CHST11: variants seen among roughly 807,000 people sequenced by gnomAD.
CHST11 encodes C4S-1.
In CHST11, 9 loss-of-function variants were observed where a neutral mutation model predicts 30.4. The ratio of observed to expected loss-of-function variants is 0.30; its 90% CI spans 0.18 to 0.52. The LOEUF (loss-of-function observed/expected upper bound fraction) is 0.52, where lower values mean the gene tolerates loss of function less well. Ranked by LOEUF, CHST11 falls within the 20% of genes least tolerant of loss-of-function variation. The probability of loss-of-function intolerance (pLI) is 0.97; values close to 1 mark genes in which losing one functional copy is unlikely to be tolerated. For missense variants in CHST11, 348 were observed against 460.6 expected, an observed-to-expected ratio of 0.76 and a Z score of 2.24; for synonymous variants, 152 against 187.8, an observed-to-expected ratio of 0.81 and a Z score of 1.56.
chr12:104,635,713 T>A (rs1193443066), intron 2 of CHST11, among the ~76,000 whole-genome samples: 1 of 152,208 alleles, frequency 6.6e-6, no homozygotes, highest in African/African-American at 2.4e-5. Flanking sequence ...AGTTCATCAG[T>A]GCTGGTCTCA....
At chr12:104,680,362 T>C (rs1176563337) in intron 2 of CHST11, among the ~76,000 whole-genome samples, 1 of 152,174 alleles carries the variant, frequency 6.6e-6, no homozygotes, top group Non-Finnish European at 1.5e-5. Flanking sequence ...CCACAGCAGA[T>C]GCAAGCCTGG....
rs373500803 is a variant in CHST11, at chr12:104,742,925, A to G, written c.205-14024A>G. Among the ~76,000 whole-genome samples the G allele has an allele frequency of 2.0e-3, 312 of 152,342 alleles. 1 individual carries two copies. Among genetic ancestry groups the G allele is most frequent in the African/African-American group, 6.9e-3 (288 of 41,590 alleles). The stretch of plus-strand genomic sequence containing the variant: ...CTCTTCTCTCTTGGCCTCCAGCCCC[A>G]GAGCTGATGCTAAGCTCCTGTGTGG... On this transcript the variant is annotated intron_variant, in intron 2 of 2. Transcript: ENST00000303694.
chr12:104,664,050 A>G lies in CHST11; in HGVS notation c.204+62059A>G, dbSNP rs76568826. Reference sequence around the variant, plus strand: ...GGGACCTCCATCTTATTTCTTCACTATGGAGTTGATTACTTCCAGCGAGCT... The same window carrying G: ...GGGACCTCCATCTTATTTCTTCACTGTGGAGTTGATTACTTCCAGCGAGCT... On this transcript the variant is annotated intron_variant, in intron 2 of 2. Transcript: ENST00000303694. Among the ~76,000 whole-genome samples the G allele has an allele frequency of 9.1e-3, 1,391 of 152,242 alleles. 20 individuals are homozygous for G. Among genetic ancestry groups the G allele is most frequent in the African/African-American group, 0.031 (1,295 of 41,530 alleles).
intron 2 of CHST11, among the ~76,000 whole-genome samples, chr12:104,659,778 C>T (rs958088914): frequency 6.8e-6 from 1 of 148,062 alleles, no homozygotes; most frequent in Non-Finnish European, 1.5e-5. Context: ...CCAGCCTGGG[C>T]AACATAGTGA....
intron 1 of CHST11, among the ~76,000 whole-genome samples, chr12:104,513,123 T>TGGTGGGGGGGGGGGGGGGGG (rs1555229062): frequency 2.9e-4 from 1 of 3,390 alleles, no homozygotes; most frequent in Non-Finnish European, 7.0e-4. Context: ...ATGTCATGAC[T>TGGTGGGGGGGGGGGGGGGGG]GGGGGGGGGG....
At chr12:104,709,514 A>T (rs977273275) in intron 2 of CHST11, among the ~76,000 whole-genome samples, 6 of 152,128 alleles carry the variant, frequency 3.9e-5, no homozygotes, top group African/African-American at 1.4e-4. Flanking sequence ...AGCTGGAGTG[A>T]GCTTGTGCAA....
intron 1 of CHST11, among the ~76,000 whole-genome samples, chr12:104,484,936 C>T (rs550941590): frequency 2.6e-5 from 4 of 151,968 alleles, no homozygotes; most frequent in Non-Finnish European, 4.4e-5. Context: ...AATCATGGCC[C>T]GAATGTCAGG....
intron 2 of CHST11, among the ~76,000 whole-genome samples, chr12:104,617,239 G>A (rs1297236201): frequency 6.6e-6 from 1 of 152,118 alleles, no homozygotes; most frequent in Non-Finnish European, 1.5e-5. Context: ...GGGATTTGTG[G>A]GGCTAGAGGA....
chr12:104,749,387 T>C (rs975117922), intron 2 of CHST11, among the ~76,000 whole-genome samples: 9 of 152,264 alleles, frequency 5.9e-5, no homozygotes, highest in Non-Finnish European at 4.4e-5. Flanking sequence ...CCAGCCCTCA[T>C]AGAATATTTT....
intron 1 of CHST11, among the ~76,000 whole-genome samples, chr12:104,477,208 G>A (rs1029833390): frequency 1.3e-5 from 2 of 152,116 alleles, no homozygotes; most frequent in Admixed American, 1.3e-4. Flanking sequence ...CCCATTACAG[G>A]TGTTAAATCA....
chr12:104,465,483 C>A (rs938701812), intron 1 of CHST11, among the ~76,000 whole-genome samples: 1 of 152,204 alleles, frequency 6.6e-6, no homozygotes, highest in African/African-American at 2.4e-5. Flanking sequence ...TTCAAGGCTA[C>A]TGAGCTGTCA....
At chr12:104,540,518 G>A (rs923159357) in intron 1 of CHST11, among the ~76,000 whole-genome samples, 1 of 152,200 alleles carries the variant, frequency 6.6e-6, no homozygotes, top group Non-Finnish European at 1.5e-5. Context: ...GTGTATGTGT[G>A]CAAGAGACAG....
At chr12:104,602,148 T>G (rs1443033400) in intron 2 of CHST11, 157 bp downstream of exon 2, 1 of 615,384 alleles carries the variant, frequency 1.6e-6, no homozygotes, top group Non-Finnish European at 2.9e-6. Context: ...CCTTTTTCTA[T>G]GTAGCATCTC....
rs569124377 is a variant in CHST11, at chr12:104,622,514, C to T, written c.204+20523C>T. Among the ~76,000 whole-genome samples the T allele has an allele frequency of 4.9e-4, 74 of 152,188 alleles. 1 individual carries two copies. The highest frequency in any genetic ancestry group is 1.8e-3 in the African/African-American group (74 of 41,508). On this transcript the variant is annotated intron_variant, in intron 2 of 2. Transcript: ENST00000303694. ...GGTTGGCAGGGGAGATATTATCTTC[C>T]CATTTTAGACAGTGCAAAGAGAAGG...
chr12:104,575,620 C>T (rs1211397856), intron 1 of CHST11, among the ~76,000 whole-genome samples: 1 of 152,110 alleles, frequency 6.6e-6, no homozygotes, highest in East Asian at 1.9e-4. Context: ...TCTGAGTGAG[C>T]TGCTGAGTGG....
intron 2 of CHST11, among the ~76,000 whole-genome samples, chr12:104,710,249 G>C (rs1441439881): frequency 1.3e-5 from 2 of 152,172 alleles, no homozygotes; most frequent in Non-Finnish European, 2.9e-5. Context: ...TGATTCCTCT[G>C]TCAGCTGGCC....
chr12:104,647,842 G>C (rs1358991542), intron 2 of CHST11, among the ~76,000 whole-genome samples: 2 of 152,228 alleles, frequency 1.3e-5, no homozygotes, highest in African/African-American at 2.4e-5. Flanking sequence ...CTGAAGACTG[G>C]ATTGGAGCTT....
chr12:104,573,979 T>G (rs1337618138), intron 1 of CHST11, among the ~76,000 whole-genome samples: 3 of 152,232 alleles, frequency 2.0e-5, no homozygotes, highest in Middle Eastern at 3.4e-3. Context: ...AGGGCTAATA[T>G]CCAGAATCTA....
chr12:104,662,574 G>A (rs2039607402), intron 2 of CHST11, among the ~76,000 whole-genome samples: 1 of 152,110 alleles, frequency 6.6e-6, no homozygotes, highest in African/African-American at 2.4e-5. Context: ...TATGGATCGT[G>A]TTTGCTTTCT....
Sources: allele counts gnomAD v4.1 joint callset (sites outside exome capture counted in the v4.1 genomes callset), GRCh38; gene constraint gnomAD v4.1.1; transcripts MANE v1.5; gene names NCBI Gene and HGNC (gene_info 2026-07-23, HGNC 2026-07-21).